Variants in SPINK5 observed in about 807,000 individuals in gnomAD.
The protein encoded by SPINK5 is serine peptidase inhibitor Kazal type 5.
Under a neutral mutation model 151.8 loss-of-function variants are expected in SPINK5, and 125 were observed. The observed-to-expected ratio is 0.82, with a 90% CI of 0.71 to 0.96. The LOEUF (loss-of-function observed/expected upper bound fraction) is 0.96, where lower values mean the gene tolerates loss of function less well. SPINK5 is among the 40% of genes least tolerant of loss of function. The pLI is 0.00. For synonymous variants in SPINK5, 374 were observed against 395.3 expected (o/e 0.95, Z 0.64); for missense variants, 1,194 against 1,291.9 (o/e 0.92, Z 1.16).
intron 7 of SPINK5, among the ~76,000 whole-genome samples, chr5:148,089,988 T>G (rs1345321488): frequency 1.3e-5 from 2 of 151,834 alleles, no homozygotes; most frequent in Non-Finnish European, 2.9e-5. Flanking sequence ...TTTGGGCATA[T>G]GTAGAGACCC....
chr5:148,101,915 A>G lies in SPINK5; in HGVS notation c.1430+7A>G. On this transcript the variant is annotated splice_region_variant and intron_variant, in intron 15 of 32. Transcript: ENST00000256084. Reference sequence around the variant, plus strand: ...CCATGTGTGAGGCCTTCTTGTGAGTAGAGCAGTAGCCCCATAGCGTCTGAG... The same window carrying G: ...CCATGTGTGAGGCCTTCTTGTGAGTGGAGCAGTAGCCCCATAGCGTCTGAG... 1 of 1,613,514 alleles carries G rather than the reference A, an allele frequency of 6.2e-7. No individual in the cohort carries two copies. Among genetic ancestry groups the G allele is most frequent in the Middle Eastern group, 1.7e-4 (1 of 6,056 alleles).
At chr5:148,109,395 T>C (rs1753863109) in intron 18 of SPINK5, among the ~76,000 whole-genome samples, 2 of 151,964 alleles carry the variant, frequency 1.3e-5, no homozygotes, top group South Asian at 2.1e-4. Context: ...AAGGGACATA[T>C]TATTATCTGT....
At chr5:148,120,555 C>T (rs995478027) in intron 26 of SPINK5, among the ~76,000 whole-genome samples, 164 bp downstream of exon 26, 1 of 152,156 alleles carries the variant, frequency 6.6e-6, no homozygotes, top group African/African-American at 2.4e-5. Context: ...GCATGCTCTT[C>T]AGTTCCCCAG....
Position 148,091,286 on chromosome 5 carries a change from T to G in SPINK5, c.666+58T>G, listed in dbSNP as rs1753303262. Reference sequence around the variant, plus strand: ...GTGGCCATATTTATTAACAAATGTATGCCTAAACCTTTGAGTAATGAAATA... The same window carrying G: ...GTGGCCATATTTATTAACAAATGTAGGCCTAAACCTTTGAGTAATGAAATA... On this transcript the variant is annotated intron_variant, in intron 8 of 32. Coordinates refer to ENST00000256084, the MANE Select transcript of SPINK5 (RefSeq NM_006846.4). The G allele has an allele frequency of 1.1e-5, 15 of 1,382,292 alleles. No homozygotes were observed. In the South Asian group the frequency reaches 1.7e-4, roughly 15 times the overall value. 85.6% of individuals were successfully genotyped at this position (1,382,292 alleles called of 1,614,324 possible).
Position 148,095,908 on chromosome 5 carries a change from G to T in SPINK5, c.882+3G>T. ...CTAAAGTTAAAAGAGAAATTGTGGTGAGAATCAGTTTGATCAATCTAGTTA... is the reference window on the plus strand; with the variant it reads ...CTAAAGTTAAAAGAGAAATTGTGGTTAGAATCAGTTTGATCAATCTAGTTA... On this transcript the variant is annotated splice_donor_region_variant and intron_variant, in intron 10 of 32. Transcript: ENST00000256084. The T allele has an allele frequency of 6.2e-7, 1 of 1,609,524 alleles. No homozygotes were observed. Among genetic ancestry groups the T allele is most frequent in the South Asian group, 1.1e-5 (1 of 90,944 alleles).
chr5:148,065,537 C>CCT (rs918820015), intron 2 of SPINK5, 165 bp downstream of exon 2: 10 of 640,988 alleles, frequency 1.6e-5, no homozygotes, highest in Middle Eastern at 3.4e-4. Flanking sequence ...AGGACATGAG[C>CCT]CTCTCTCTCA....
intron 30 of SPINK5, among the ~76,000 whole-genome samples, chr5:148,128,812 C>G (rs113933340): frequency 6.6e-6 from 1 of 152,270 alleles, no homozygotes; most frequent in South Asian, 2.1e-4. Flanking sequence ...CGTGAGCCAC[C>G]GCGCCCGGCC....
intron 18 of SPINK5, among the ~76,000 whole-genome samples, chr5:148,109,757 A>G (rs1862441): frequency 0.15 from 22,259 of 151,950 alleles, 2,155 homozygotes; most frequent in East Asian, 0.32. Flanking sequence ...GCTCTCTACA[A>G]TCTACTCTCA....
In SPINK5 at chr5:148,120,409, C is replaced by T. The variant is rs375794481; in HGVS notation, c.2538+18C>T. 1.3e-4 allele frequency: 204 copies of T among 1,579,434 alleles called. No homozygotes were observed. Among genetic ancestry groups the T allele is most frequent in the Admixed American group, 2.7e-4 (15 of 56,356 alleles). On this transcript the variant is annotated intron_variant, in intron 26 of 32. Transcript: ENST00000256084. Reference sequence around the variant, plus strand: ...ACAAAGAGGTAATAGATGTTAGACACGCTAATACCTGAATTCAGTTAGTTC... The same window carrying T: ...ACAAAGAGGTAATAGATGTTAGACATGCTAATACCTGAATTCAGTTAGTTC...
intron 2 of SPINK5, among the ~76,000 whole-genome samples, chr5:148,068,683 T>C (rs192834510): frequency 5.3e-5 from 8 of 151,982 alleles, no homozygotes; most frequent in Admixed American, 4.6e-4. Flanking sequence ...GTTGTGTTTG[T>C]CAGAGTTGAA....
At chr5:148,095,521 C>T (rs1753432008) in intron 9 of SPINK5, among the ~76,000 whole-genome samples, 1 of 151,888 alleles carries the variant, frequency 6.6e-6, no homozygotes, top group Non-Finnish European at 1.5e-5. Flanking sequence ...AAAAACACAG[C>T]AATAGACATA....
chr5:148,077,647 A>ATG (rs2113019253), intron 4 of SPINK5, among the ~76,000 whole-genome samples: 1 of 147,780 alleles, frequency 6.8e-6, no homozygotes, highest in Admixed American at 6.8e-5. Flanking sequence ...GTATATATAT[A>ATG]TATATATATA....
At chr5:148,119,878 G>T in intron 24 of SPINK5, 131 bp from the exon 25 acceptor site, 1 of 920,596 alleles carries the variant, frequency 1.1e-6, no homozygotes, top group South Asian at 1.5e-5. Context: ...TCTCTCTGTG[G>T]GACATTATTT....
At chr5:148,097,009 C>G (rs1317403417) in intron 10 of SPINK5, among the ~76,000 whole-genome samples, 1 of 151,808 alleles carries the variant, frequency 6.6e-6, no homozygotes, top group Admixed American at 6.6e-5. Flanking sequence ...CTGTCAACTA[C>G]TATTTTATCA....
intron 28 of SPINK5, chr5:148,125,516 T>C: frequency 6.2e-7 from 1 of 1,612,938 alleles, no homozygotes; most frequent in Non-Finnish European, 8.5e-7. Context: ...TTTCCCTACA[T>C]TTTTCAGGAC....
intron 13 of SPINK5, 22 bp from the exon 14 acceptor site, chr5:148,101,333 C>T: frequency 1.9e-6 from 3 of 1,554,786 alleles, no homozygotes; most frequent in Non-Finnish European, 1.8e-6. Context: ...TTACTTATCT[C>T]TTCTTAACCA....
At chr5:148,072,656 A>T (rs1373274659) in intron 4 of SPINK5, among the ~76,000 whole-genome samples, 2 of 151,938 alleles carry the variant, frequency 1.3e-5, no homozygotes, top group Non-Finnish European at 2.9e-5. Flanking sequence ...ACCGAATAGA[A>T]ACTAAGTTTT....
In SPINK5 at chr5:148,070,504, T is replaced by C. The variant is rs1233906119; in HGVS notation, c.209+54T>C. ...AATGTTTGAGTTAACAGCTAGTCTC[T>C]GAACTGGTAAATGTATTCTTTTTCT... On this transcript the variant is annotated intron_variant, in intron 3 of 32. Transcript: ENST00000256084. 2.5e-6 allele frequency: 4 copies of C among 1,604,098 alleles called. No individual in the cohort carries two copies. The Admixed American group carries it at 6.7e-5, about 27-fold the overall frequency.
intron 21 of SPINK5, 118 bp from the exon 22 acceptor site, chr5:148,116,252 A>T: frequency 2.0e-6 from 2 of 1,001,528 alleles, no homozygotes; most frequent in Non-Finnish European, 3.1e-6. Flanking sequence ...AGTAGATGTT[A>T]ACTCAATGCT....
Sources: allele counts gnomAD v4.1 joint callset (sites outside exome capture counted in the v4.1 genomes callset), GRCh38; gene constraint gnomAD v4.1.1; transcripts MANE v1.5; gene names NCBI Gene and HGNC (gene_info 2026-07-23, HGNC 2026-07-21).